The following PMEL variants were observed in gnomAD, a reference collection of about 807,000 sequenced individuals.
PMEL encodes melanocyte protein PMEL.
A neutral mutation model predicts 64.9 loss-of-function variants in PMEL; 53 were observed. The observed-to-expected ratio is 0.82, with a 90% CI of 0.66 to 1.03. The LOEUF (loss-of-function observed/expected upper bound fraction) is 1.03, where lower values mean the gene tolerates loss of function less well. Ranked by LOEUF, PMEL falls within the 50% of genes least tolerant of loss-of-function variation. The pLI is 0.00. For missense variants in PMEL, 716 were observed against 814.9 expected, an observed-to-expected ratio of 0.88 and a Z score of 1.48; for synonymous variants, 299 against 316.2, an observed-to-expected ratio of 0.95 and a Z score of 0.58.
intron 4 of PMEL, 131 bp downstream of exon 4, chr12:55,958,342 G>T: frequency 1.0e-6 from 1 of 986,902 alleles, no homozygotes; most frequent in Non-Finnish European, 1.5e-6. Flanking sequence ...AAAGAGAAAA[G>T]ATCTAAGAGG....
At chr12:55,966,691 A>C (rs920178242), upstream of PMEL, 3 of 1,098,162 alleles carry the variant, frequency 2.7e-6, no homozygotes, top group African/African-American at 5.0e-5. Context: ...GGGCGGGATC[A>C]TTTGCGGGGA....
intron 5 of PMEL, 52 bp from the exon 6 acceptor site, chr12:55,957,723 C>T (rs1169500591): frequency 6.4e-7 from 1 of 1,560,204 alleles, no homozygotes; most frequent in Admixed American, 1.8e-5. Context: ...ACAGCTTCTC[C>T]TTTCACAGCC....
intron 4 of PMEL, 120 bp from the exon 5 acceptor site, chr12:55,958,204 G>T (rs1428725858): frequency 1.8e-6 from 2 of 1,093,936 alleles, no homozygotes; most frequent in African/African-American, 1.6e-5. Flanking sequence ...TTCTGAGGGT[G>T]TTTGGAAGGC....
At chr12:55,961,017 C>A (rs547307900) in intron 3 of PMEL, among the ~76,000 whole-genome samples, 96 of 150,936 alleles carry the variant, frequency 6.4e-4, no homozygotes, top group African/African-American at 2.3e-3. Context: ...TACTGGCTAA[C>A]ACGGTGAAAC....
chr12:55,959,735 G>A (rs1043893475), intron 3 of PMEL, among the ~76,000 whole-genome samples: 3 of 152,132 alleles, frequency 2.0e-5, no homozygotes, highest in Admixed American at 2.0e-4. Context: ...AACCTGGGAG[G>A]TGGAGGCTGC....
chr12:55,960,864 T>C (rs113129768), intron 3 of PMEL, among the ~76,000 whole-genome samples: 5,771 of 150,646 alleles, frequency 0.038, 348 homozygotes, highest in African/African-American at 0.13. Flanking sequence ...TGTTTTTAAA[T>C]TTTAACTACA....
intron 3 of PMEL, among the ~76,000 whole-genome samples, chr12:55,959,887 G>A (rs758578436): frequency 6.6e-6 from 1 of 152,066 alleles, no homozygotes; most frequent in Non-Finnish European, 1.5e-5. Flanking sequence ...ACTACATTAA[G>A]TACTTTACAC....
intron 10 of PMEL, 145 bp downstream of exon 10, chr12:55,955,129 C>T: frequency 1.4e-6 from 1 of 732,048 alleles, no homozygotes; most frequent in South Asian, 1.6e-5. Context: ...AGACTGCAAC[C>T]CAAGTCTGTC....
intron 3 of PMEL, among the ~76,000 whole-genome samples, chr12:55,960,998 T>C (rs1889080950): frequency 6.7e-6 from 1 of 150,268 alleles, no homozygotes; most frequent in Admixed American, 6.6e-5. Context: ...GGTCAGGAGA[T>C]GGAGACTATA....
rs1180695017 is a variant in PMEL, at chr12:55,957,639, A to T, written c.664T>A (p.Leu222Met). Residue 222 changes from leucine to methionine, a missense_variant, in exon 6 of 11, where the codon TTG becomes ATG. Leu to Met is a conservative substitution (Grantham distance 15). Transcript: ENST00000548747. ...TTGTTCCCTCCATCCAAGGCCCGCA[A>T]CTGGGACACGCTCACGGAGAAAGGC... ...QVPFSVSVSQ[L>M]RALDGGNKHF... 18 of 1,612,510 alleles carry T rather than the reference A, an allele frequency of 1.1e-5. No individual in the cohort carries two copies. The highest frequency in any genetic ancestry group is 1.4e-5 in the Non-Finnish European group (17 of 1,179,532).
In PMEL at chr12:55,956,979, T is replaced by C; in HGVS notation, c.1324A>G (p.Ser442Gly). The C allele has an allele frequency of 6.2e-7, 1 of 1,614,202 alleles. No individual in the cohort carries two copies. Among genetic ancestry groups the C allele is most frequent in the Non-Finnish European group, 8.5e-7 (1 of 1,180,010 alleles). The change falls in exon 6 of 11, where the codon AGC becomes GGC. Residue 442 changes from serine to glycine, a missense_variant. Ser to Gly is a moderately conservative substitution (Grantham distance 56). Coordinates refer to ENST00000548747, the MANE Select transcript of PMEL (RefSeq NM_001384361.1). The part of the protein sequence containing the change: ...PIPEPEGPDA[S>G]SIMSTESITG... ...ATACTTTCCGTAGACATGATTGAGC[T>C]GGCATCTGGACCTTCAGGCTCAGGG... is the stretch of plus-strand genomic sequence containing the variant.
Position 55,957,238 on chromosome 12 carries a change from G to T in PMEL, c.1065C>A (p.Thr355=). ...CAGGTGCAGTGCTTATGACTTCAGTGGTTGGCACCTGCACAGATGTGGTTC... is the reference window on the plus strand; with the variant it reads ...CAGGTGCAGTGCTTATGACTTCAGTTGTTGGCACCTGCACAGATGTGGTTC... ...PSGTTSVQVP[T]TEVISTAPVQ... Residue 355 remains threonine (T), a synonymous_variant, in exon 6 of 11, where the codon ACC becomes ACA. Coordinates refer to ENST00000548747, the MANE Select transcript of PMEL (RefSeq NM_001384361.1). 6.2e-7 allele frequency: 1 copy of T among 1,614,144 alleles called. No individual in the cohort carries two copies. The highest frequency in any genetic ancestry group is 1.7e-5 in the Admixed American group (1 of 60,020).
chr12:55,959,674 G>A (rs890562653), intron 3 of PMEL, among the ~76,000 whole-genome samples: 4 of 151,868 alleles, frequency 2.6e-5, no homozygotes, highest in African/African-American at 7.3e-5. Context: ...GCGTGCTGGC[G>A]GAAGCCTATA....
chr12:55,963,229 A>G (rs1889172729), intron 1 of PMEL, among the ~76,000 whole-genome samples: 1 of 152,090 alleles, frequency 6.6e-6, no homozygotes, highest in South Asian at 2.1e-4. Flanking sequence ...GCAAGCAGTG[A>G]GGAGGATGGA....
chr12:55,961,295 C>T, intron 3 of PMEL, 22 bp downstream of exon 3: 1 of 1,612,146 alleles, frequency 6.2e-7, no homozygotes, highest in Non-Finnish European at 8.5e-7. Flanking sequence ...GGAATAAGGA[C>T]CTAGAATAGA....
rs541117899 is a variant in PMEL, at chr12:55,965,162, C to T, written c.76+774G>A. On this transcript the variant is annotated intron_variant, in intron 1 of 10. Coordinates refer to ENST00000548747, the MANE Select transcript of PMEL (RefSeq NM_001384361.1). ...CAGGCTGGTCTCGAACTCCTGACCT[C>T]GTGATCCACCTGCTTCAGCCTCCCA... Among the ~76,000 whole-genome samples, 131 of 151,782 alleles carry T rather than the reference C, an allele frequency of 8.6e-4. 3 individuals carry two copies. The highest frequency in any genetic ancestry group is 6.5e-3 in the Admixed American group (100 of 15,282).
chr12:55,964,160 T>G (rs527532242), intron 1 of PMEL, among the ~76,000 whole-genome samples: 1 of 151,136 alleles, frequency 6.6e-6, no homozygotes, highest in Non-Finnish European at 1.5e-5. Context: ...TTTTTTTTTT[T>G]TTTTTTTTTG....
At chr12:55,959,902 T>C (rs1889035290) in intron 3 of PMEL, among the ~76,000 whole-genome samples, 1 of 152,142 alleles carries the variant, frequency 6.6e-6, no homozygotes. Flanking sequence ...TTACACATAT[T>C]ATCACATTCT....
intron 7 of PMEL, 105 bp downstream of exon 7, chr12:55,955,998 T>C: frequency 9.1e-7 from 1 of 1,102,000 alleles, no homozygotes; most frequent in Non-Finnish European, 1.4e-6. Flanking sequence ...CATTTGGGTA[T>C]TCTTCCTATC....
Sources: gnomAD v4.1 joint callset for allele counts (sites outside exome capture counted in the v4.1 genomes callset) on GRCh38, gnomAD v4.1.1 for gene constraint, MANE v1.5 for transcripts, NCBI Gene and HGNC (gene_info 2026-07-23, HGNC 2026-07-21) for gene names.